Variants in TUBA1C observed in about 807,000 individuals in gnomAD.
TUBA1C encodes the protein tubulin alpha-1C chain.
Under a neutral mutation model 34.9 loss-of-function variants are expected in TUBA1C, and 16 were observed. The ratio of observed to expected loss-of-function variants is 0.46; its 90% CI spans 0.31 to 0.70. The LOEUF is 0.70. Ranked by LOEUF, TUBA1C falls within the 30% of genes least tolerant of loss-of-function variation. The pLI is 0.05. For missense variants in TUBA1C, 329 were observed against 587.3 expected, an observed-to-expected ratio of 0.56 and a Z score of 4.55; for synonymous variants, 177 against 215.9, an observed-to-expected ratio of 0.82 and a Z score of 1.58.
At position 49,265,167 on chromosome 12, in the gene TUBA1C, C is replaced by G. The variant is rs372155310; in HGVS notation, c.-15C>G. ...TCGCCTCCTTCACCGCCGCAGACCC[C>G]TTCAAGTTCTAGTCATGGTGAGTGG... On this transcript the variant is annotated 5_prime_UTR_variant, in exon 1 of 4. Coordinates refer to ENST00000301072, the MANE Select transcript of TUBA1C (RefSeq NM_032704.5). 132 of 1,603,756 alleles carry G rather than the reference C, an allele frequency of 8.2e-5. 1 individual carries two copies. The highest frequency in any genetic ancestry group is 6.7e-4 in the Middle Eastern group (4 of 6,010).
At chr12:49,270,592 C>G (rs1942977471) in intron 3 of TUBA1C, among the ~76,000 whole-genome samples, 1 of 152,226 alleles carries the variant, frequency 6.6e-6, no homozygotes, top group Non-Finnish European at 1.5e-5. Context: ...CTGCTCCATT[C>G]TAAAATAGAA....
chr12:49,228,508 G>A (rs756407252), intron 1 of TUBA1C, among the ~76,000 whole-genome samples: 1 of 152,076 alleles, frequency 6.6e-6, no homozygotes, highest in Non-Finnish European at 1.5e-5. Context: ...GGTTGCACAG[G>A]GAAGAGGCAT....
intron 1 of TUBA1C, among the ~76,000 whole-genome samples, chr12:49,252,633 T>C (rs1294719625): frequency 6.6e-6 from 1 of 152,076 alleles, no homozygotes; most frequent in Non-Finnish European, 1.5e-5. Context: ...AAAAATTGGC[T>C]GGGCACGGTG....
intron 3 of TUBA1C, among the ~76,000 whole-genome samples, chr12:49,271,849 G>C (rs1007435288): frequency 3.3e-5 from 5 of 152,214 alleles, no homozygotes; most frequent in African/African-American, 1.2e-4. Context: ...CTGTATGCAA[G>C]CCCAGGCCTT....
At position 49,273,247 on chromosome 12, in the gene TUBA1C, C is replaced by T. The variant is rs376096817; in HGVS notation, c.*20C>T. ...TATTAACCTGTGTGCTGTACTTTTACACTCCTTTGTCTTGGAACTGTCTTA... is the reference window on the plus strand; with the variant it reads ...TATTAACCTGTGTGCTGTACTTTTATACTCCTTTGTCTTGGAACTGTCTTA... On this transcript the variant is annotated 3_prime_UTR_variant, in exon 4 of 4. Transcript: ENST00000301072. 4 of 1,614,188 alleles carry T rather than the reference C, an allele frequency of 2.5e-6. No homozygotes were observed. Among genetic ancestry groups the T allele is most frequent in the African/African-American group, 2.7e-5 (2 of 75,054 alleles).
chr12:49,266,910 C>T (rs1392937613), intron 1 of TUBA1C, among the ~76,000 whole-genome samples: 1 of 152,172 alleles, frequency 6.6e-6, no homozygotes, highest in Non-Finnish European at 1.5e-5. Flanking sequence ...CAACTTATTG[C>T]TTCTTTTCAA....
intron 1 of TUBA1C, among the ~76,000 whole-genome samples, chr12:49,265,924 C>G (rs1454017626): frequency 1.5e-5 from 2 of 131,224 alleles, no homozygotes; most frequent in Non-Finnish European, 3.2e-5. Flanking sequence ...TCGAGACAAA[C>G]CTGGCGAACA....
chr12:49,247,370 A>G (rs951553964), intron 1 of TUBA1C, among the ~76,000 whole-genome samples: 1 of 151,738 alleles, frequency 6.6e-6, no homozygotes, highest in Non-Finnish European at 1.5e-5. Context: ...CAGCCTGACC[A>G]ATATGGTGAA....
chr12:49,271,191 T>G (rs1942988028), intron 3 of TUBA1C, among the ~76,000 whole-genome samples: 2 of 152,242 alleles, frequency 1.3e-5, no homozygotes, highest in African/African-American at 2.4e-5. Context: ...GAGTCTGCCC[T>G]GTGCATTGAT....
At chr12:49,264,968 G>A (rs1393783165), upstream of TUBA1C, 1 of 595,830 alleles carries the variant, frequency 1.7e-6, no homozygotes, top group African/African-American at 1.9e-5. Flanking sequence ...GCCGGGCGCA[G>A]GCCAGGGCTC....
chr12:49,256,907 C>T (rs1486024867), intron 1 of TUBA1C, among the ~76,000 whole-genome samples: 2 of 151,968 alleles, frequency 1.3e-5, no homozygotes, highest in Non-Finnish European at 2.9e-5. Flanking sequence ...AGGCCAGGAG[C>T]GGTGGTTCAC....
At chr12:49,232,234 TC>T (rs1942505433) in intron 1 of TUBA1C, among the ~76,000 whole-genome samples, 1 of 152,242 alleles carries the variant, frequency 6.6e-6, no homozygotes, top group South Asian at 2.1e-4. Context: ...TGAAGCAACC[TC>T]ATTTTTGCGG....
intron 1 of TUBA1C, among the ~76,000 whole-genome samples, chr12:49,266,231 C>G (rs1483231367): frequency 6.9e-6 from 1 of 145,866 alleles, no homozygotes; most frequent in Non-Finnish European, 1.5e-5. Context: ...CGAGACCATC[C>G]TGGCTAACAC....
At chr12:49,249,932 T>C (rs544019809) in intron 1 of TUBA1C, among the ~76,000 whole-genome samples, 192 of 151,126 alleles carry the variant, frequency 1.3e-3, no homozygotes, top group African/African-American at 4.5e-3. Context: ...CATGGTGGCT[T>C]ATGCCTGTAA....
Position 49,269,847 on chromosome 12 carries a change from T to C in TUBA1C, c.246T>C (p.Thr82=), listed in dbSNP as rs17849881. The C allele has an allele frequency of 0.012, 19,845 of 1,604,956 alleles. 278 individuals are homozygous for C. Among genetic ancestry groups the C allele is most frequent in the Admixed American group, 0.039 (2,323 of 59,532 alleles). The change falls in exon 3 of 4, where the codon ACT becomes ACC. Residue 82 remains threonine, a synonymous_variant. Coordinates refer to ENST00000301072, the MANE Select transcript of TUBA1C (RefSeq NM_032704.5). ...CTCCAGATGAAGTTCGCACTGGCAC[T>C]TACCGCCAGCTCTTCCACCCTGAGC... is the stretch of plus-strand genomic sequence containing the variant. ...PTVIDEVRTG[T]YRQLFHPEQL... is the part of the protein sequence containing the mutation.
chr12:49,270,786 C>A (rs761980020), intron 3 of TUBA1C, among the ~76,000 whole-genome samples: 2 of 152,126 alleles, frequency 1.3e-5, no homozygotes, highest in East Asian at 3.9e-4. Flanking sequence ...CGAGACCATC[C>A]TGGCTAACAT....
At chr12:49,235,732 C>CAA (rs567880656) in intron 1 of TUBA1C, among the ~76,000 whole-genome samples, 15 of 67,230 alleles carry the variant, frequency 2.2e-4, no homozygotes, top group African/African-American at 2.5e-4. Flanking sequence ...GACTCGGTCT[C>CAA]AAAAAAAAAA....
At chr12:49,270,128 G>T in intron 3 of TUBA1C, 152 bp downstream of exon 3, 1 of 1,472,834 alleles carries the variant, frequency 6.8e-7, no homozygotes, top group Non-Finnish European at 9.3e-7. Flanking sequence ...TTCTGAACCA[G>T]ATGATCTTGG....
In TUBA1C at chr12:49,259,246, T is replaced by G. The variant is rs374427816; in HGVS notation, c.214-10219T>G. Among the ~76,000 whole-genome samples the G allele has an allele frequency of 1.1e-3, 169 of 152,174 alleles. 2 individuals are homozygous for G. The highest frequency in any genetic ancestry group is 3.5e-3 in the African/African-American group (147 of 41,516). On this transcript the variant is annotated intron_variant, in intron 1 of 3. Transcript: ENST00000541364. ...TTAGATACAAATACTTTCTTTTTTT[T>G]TTTTGAGACGGAGTCTCACTGTGTC...
Sources: allele counts gnomAD v4.1 joint callset (sites outside exome capture counted in the v4.1 genomes callset), GRCh38; gene constraint gnomAD v4.1.1; transcripts MANE v1.5; gene names NCBI Gene and HGNC (gene_info 2026-07-23, HGNC 2026-07-21).